CSMD3: variants seen among roughly 807,000 people sequenced by gnomAD.
The protein encoded by CSMD3 is CUB and sushi domain-containing protein 3.
Under a neutral mutation model 435.2 loss-of-function variants are expected in CSMD3, and 177 were observed. That is an observed-to-expected ratio of 0.41 (90% CI 0.36 to 0.46). The LOEUF (loss-of-function observed/expected upper bound fraction) is 0.46. CSMD3 is among the 20% of genes least tolerant of loss of function. CSMD3 has a pLI of 0.34. For synonymous variants in CSMD3, 1,656 were observed against 1,520.5 expected (o/e 1.09, Z -2.07); for missense variants, 4,265 against 4,504.6 (o/e 0.95, Z 1.52).
chr8:112,349,116 GT>G (rs143312538), intron 40 of CSMD3, among the ~76,000 whole-genome samples: 4,943 of 151,898 alleles, frequency 0.033, 275 homozygotes, highest in African/African-American at 0.11. Context: ...GATATGAGAT[GT>G]GTTCATAATA....
chr8:113,372,513 G>A (rs2094352111), intron 1 of CSMD3, among the ~76,000 whole-genome samples: 1 of 152,156 alleles, frequency 6.6e-6, no homozygotes, highest in Non-Finnish European at 1.5e-5. Context: ...TGATGCAAAT[G>A]AAGCAGGCAT....
chr8:112,534,510 A>G (rs1275304104), intron 27 of CSMD3, among the ~76,000 whole-genome samples: 2 of 152,226 alleles, frequency 1.3e-5, no homozygotes, highest in Non-Finnish European at 2.9e-5. Flanking sequence ...TAGACCAATT[A>G]CAGGCTCTGA....
At chr8:113,421,341 C>A (rs1385292035) in intron 1 of CSMD3, among the ~76,000 whole-genome samples, 1 of 152,028 alleles carries the variant, frequency 6.6e-6, no homozygotes, top group African/African-American at 2.4e-5. Flanking sequence ...AAGAAGCAGA[C>A]AAATTAAAAA....
chr8:112,296,717 C>A (rs1163398796), intron 53 of CSMD3, among the ~76,000 whole-genome samples: 2 of 151,610 alleles, frequency 1.3e-5, no homozygotes, highest in East Asian at 3.9e-4. Context: ...AAGCAAGGAG[C>A]AAAATGATGT....
chr8:113,104,207 T>C (rs1221201274), intron 4 of CSMD3, among the ~76,000 whole-genome samples: 1 of 152,086 alleles, frequency 6.6e-6, no homozygotes, highest in Non-Finnish European at 1.5e-5. Flanking sequence ...CTGTAAATTG[T>C]AGGAGAGAAG....
intron 22 of CSMD3, among the ~76,000 whole-genome samples, chr8:112,604,775 A>G (rs916703004): frequency 1.3e-5 from 2 of 152,206 alleles, no homozygotes; most frequent in Non-Finnish European, 2.9e-5. Flanking sequence ...AAATACAAAA[A>G]TTAACAAAGA....
intron 3 of CSMD3, among the ~76,000 whole-genome samples, chr8:113,195,092 G>T (rs532887986): frequency 6.6e-6 from 1 of 151,234 alleles, no homozygotes; most frequent in South Asian, 2.1e-4. Context: ...ACATTTAATG[G>T]TTGTCCTTAT....
At chr8:112,233,338 A>G (rs1813267937) in intron 68 of CSMD3, among the ~76,000 whole-genome samples, 1 of 152,190 alleles carries the variant, frequency 6.6e-6, no homozygotes, top group Admixed American at 6.5e-5. Flanking sequence ...TTATTATCAG[A>G]CATTATACTC....
intron 13 of CSMD3, among the ~76,000 whole-genome samples, chr8:112,692,997 T>C (rs1456183202): frequency 6.6e-6 from 1 of 151,856 alleles, no homozygotes; most frequent in Non-Finnish European, 1.5e-5. Flanking sequence ...ATAGCCTGTA[T>C]AAAGTTCAGG....
intron 13 of CSMD3, among the ~76,000 whole-genome samples, chr8:112,788,611 A>C (rs2132278696): frequency 6.6e-6 from 1 of 152,260 alleles, no homozygotes; most frequent in African/African-American, 2.4e-5. Context: ...TTGTCCCACT[A>C]AACTGAAAAT....
intron 1 of CSMD3, among the ~76,000 whole-genome samples, chr8:113,408,519 A>G (rs1040396202): frequency 6.6e-6 from 1 of 152,192 alleles, no homozygotes; most frequent in African/African-American, 2.4e-5. Context: ...GCTCGATTCT[A>G]TAGTTTTTGC....
At chr8:113,257,254 CA>C (rs2093389472) in intron 3 of CSMD3, among the ~76,000 whole-genome samples, 1 of 151,766 alleles carries the variant, frequency 6.6e-6, no homozygotes, top group Non-Finnish European at 1.5e-5. Flanking sequence ...TAAAAAAATT[CA>C]AAAAAATTAG....
At chr8:112,317,358 G>A (rs1258814844) in intron 47 of CSMD3, among the ~76,000 whole-genome samples, 1 of 151,964 alleles carries the variant, frequency 6.6e-6, no homozygotes, top group East Asian at 1.9e-4. Flanking sequence ...AAAACAAGAA[G>A]CTTGCTCTCC....
chr8:112,362,116 T>G (rs1827304093), intron 38 of CSMD3, among the ~76,000 whole-genome samples: 1 of 151,934 alleles, frequency 6.6e-6, no homozygotes, highest in African/African-American at 2.4e-5. Flanking sequence ...TGGTGTACTA[T>G]TAATAGTTTG....
rs1343694926 is a variant in CSMD3, at chr8:112,936,164, CT to C, written c.1508+11625del. ...AGTTTAACAGTGACTTTATATTTCC[CT>C]TCTTTCTTCTACCCCAAGTCTCTTG... On this transcript the variant is annotated intron_variant, in intron 9 of 70. Coordinates refer to ENST00000297405, the MANE Select transcript of CSMD3 (RefSeq NM_198123.2). Among the ~76,000 whole-genome samples the C allele has an allele frequency of 5.9e-5, 9 of 151,972 alleles. No homozygotes were observed. In the Middle Eastern group the frequency reaches 0.017, roughly 289 times the overall value.
At chr8:112,662,301 C>G (rs572341674) in intron 17 of CSMD3, among the ~76,000 whole-genome samples, 15 of 152,296 alleles carry the variant, frequency 9.8e-5, no homozygotes, top group African/African-American at 3.6e-4. Context: ...ACCAAAACAG[C>G]ATGGTACTGG....
In CSMD3 at chr8:112,519,584, C is replaced by T. The variant is rs374291889; in HGVS notation, c.4565-2359G>A. The stretch of plus-strand genomic sequence containing the variant: ...CTCATTAGAAATAATAATAGTCACA[C>T]AGAAAAAGTATACAAATAGAAGCAT... On this transcript the variant is annotated intron_variant, in intron 27 of 70. Transcript: ENST00000297405. Among the ~76,000 whole-genome samples, 10 of 152,218 alleles carry T rather than the reference C, an allele frequency of 6.6e-5. No individual in the cohort carries two copies. In the East Asian group the frequency reaches 1.9e-3, roughly 29 times the overall value.
chr8:112,681,845 C>A (rs1427071672), intron 16 of CSMD3, among the ~76,000 whole-genome samples: 1 of 151,948 alleles, frequency 6.6e-6, no homozygotes, highest in Non-Finnish European at 1.5e-5. Context: ...CCAGTCTGGG[C>A]AACAGAGTGA....
intron 30 of CSMD3, among the ~76,000 whole-genome samples, chr8:112,501,075 C>T (rs1360557356): frequency 1.3e-5 from 2 of 151,934 alleles, no homozygotes; most frequent in Non-Finnish European, 2.9e-5. Flanking sequence ...CCCTCTCTTA[C>T]GAAACAGAGA....
Sources: allele counts gnomAD v4.1 joint callset (sites outside exome capture counted in the v4.1 genomes callset), GRCh38; gene constraint gnomAD v4.1.1; transcripts MANE v1.5; gene names NCBI Gene and HGNC (gene_info 2026-07-23, HGNC 2026-07-21).